The following SAMD5 variants were observed in gnomAD, a reference collection of about 807,000 sequenced individuals.
SAMD5 encodes the protein sterile alpha motif domain-containing protein 5.
SAMD5 carries 13 observed loss-of-function variants against 11.3 expected under a neutral mutation model. The ratio of observed to expected loss-of-function variants is 1.15; its 90% CI spans 0.75 to 1.83. The LOEUF is 1.83. SAMD5 is among the 40% of genes most tolerant of loss of function. The probability of loss-of-function intolerance (pLI) is 0.00; values close to 1 mark genes in which losing one functional copy is unlikely to be tolerated. For synonymous variants in SAMD5, 129 were observed against 111.3 expected, an observed-to-expected ratio of 1.16 and a Z score of -1.00; for missense variants, 255 against 239.1, an observed-to-expected ratio of 1.07 and a Z score of -0.44.
intron 1 of SAMD5, among the ~76,000 whole-genome samples, chr6:147,717,434 C>T (rs982706595): frequency 6.6e-6 from 1 of 152,102 alleles, no homozygotes; most frequent in Non-Finnish European, 1.5e-5. Context: ...GGCTATTAGG[C>T]AGTGCAGTGA....
intron 1 of SAMD5, among the ~76,000 whole-genome samples, chr6:147,709,509 GT>G (rs573996432): frequency 7.8e-4 from 119 of 152,276 alleles, no homozygotes; most frequent in African/African-American, 2.6e-3. Context: ...CTTTGGTTTG[GT>G]TTTAAGATAA....
chr6:147,822,632 T>G, the SAMD5 span, among the ~76,000 whole-genome samples: 1 of 152,130 alleles, frequency 6.6e-6, no homozygotes, highest in African/African-American at 2.4e-5. Flanking sequence ...TGTCAACCCT[T>G]GGTTATAAGA....
the SAMD5 span, among the ~76,000 whole-genome samples, chr6:147,903,197 A>C: frequency 6.6e-6 from 1 of 152,212 alleles, no homozygotes; most frequent in African/African-American, 2.4e-5. Context: ...TTAATTAATC[A>C]CATTAATATA....
the SAMD5 span, among the ~76,000 whole-genome samples, chr6:147,939,505 C>T: frequency 1.3e-5 from 2 of 152,130 alleles, no homozygotes; most frequent in African/African-American, 4.8e-5. Context: ...TTCCTATCAC[C>T]CAAGAAATTC....
At chr6:147,546,514 G>A (rs552895946) in intron 1 of SAMD5, among the ~76,000 whole-genome samples, 2 of 101,186 alleles carry the variant, frequency 2.0e-5, no homozygotes, top group Non-Finnish European at 3.8e-5. Context: ...TGGGCAACAA[G>A]AGCGAAACTC....
At chr6:147,819,306 A>G in the SAMD5 span, among the ~76,000 whole-genome samples, 1 of 152,154 alleles carries the variant, frequency 6.6e-6, no homozygotes, top group African/African-American at 2.4e-5. Context: ...GAGGGGAACA[A>G]CACACACTGG....
chr6:147,836,270 T>C, the SAMD5 span, among the ~76,000 whole-genome samples: 2 of 152,190 alleles, frequency 1.3e-5, no homozygotes, highest in Admixed American at 6.5e-5. Context: ...CCAAGTTCTA[T>C]TTATCTAGTG....
the SAMD5 span, among the ~76,000 whole-genome samples, chr6:147,922,692 G>A: frequency 6.6e-6 from 1 of 152,040 alleles, no homozygotes; most frequent in Non-Finnish European, 1.5e-5. Flanking sequence ...ACTCGTGCTG[G>A]GATCTATTTT....
chr6:147,767,720 G>C, the SAMD5 span, among the ~76,000 whole-genome samples: 1 of 152,068 alleles, frequency 6.6e-6, no homozygotes, highest in African/African-American at 2.4e-5. Context: ...CCTTGATCTT[G>C]GACAGTGAGA....
intron 1 of SAMD5, among the ~76,000 whole-genome samples, chr6:147,663,565 A>T (rs866275556): frequency 1.3e-5 from 2 of 152,020 alleles, no homozygotes; most frequent in Middle Eastern, 3.4e-3. Context: ...TGGGTGGATC[A>T]CCTGAAGTCA....
At chr6:147,822,297 G>T in the SAMD5 span, among the ~76,000 whole-genome samples, 1 of 151,986 alleles carries the variant, frequency 6.6e-6, no homozygotes, top group South Asian at 2.1e-4. Flanking sequence ...TTTGACAATT[G>T]TTATTCACAA....
At position 147,532,516 on chromosome 6, in the gene SAMD5, C is replaced by T. The variant is rs115730507; in HGVS notation, c.459+23129C>T. Among the ~76,000 whole-genome samples, 371 of 152,286 alleles carry T rather than the reference C, an allele frequency of 2.4e-3. 4 individuals carry two copies. Among genetic ancestry groups the T allele is most frequent in the African/African-American group, 8.5e-3 (355 of 41,562 alleles). On this transcript the variant is annotated intron_variant, in intron 1 of 1. Transcript: ENST00000367474. ...AGTAGTATTCCACATCCCACATTAT[C>T]TTTATTCACTCATTGGTTATGAGCA...
the SAMD5 span, among the ~76,000 whole-genome samples, chr6:147,744,899 C>CAATA: frequency 0.011 from 1,459 of 137,372 alleles, 9 homozygotes; most frequent in Non-Finnish European, 0.016. Context: ...CTCTGTCTCA[C>CAATA]AATAAATAAA....
the SAMD5 span, among the ~76,000 whole-genome samples, chr6:147,806,302 A>G: frequency 1.2e-5 from 1 of 81,260 alleles, no homozygotes; most frequent in Admixed American, 1.3e-4. Context: ...GAGTGTGCGC[A>G]TGCGCGCGCG....
chr6:147,929,781 GA>G, the SAMD5 span, among the ~76,000 whole-genome samples: 345 of 152,240 alleles, frequency 2.3e-3, no homozygotes, highest in African/African-American at 8.0e-3. Context: ...CATTGGGGGG[GA>G]AAGTACAGCT....
chr6:147,604,080 A>C (rs1312278575), intron 1 of SAMD5, among the ~76,000 whole-genome samples: 1 of 152,246 alleles, frequency 6.6e-6, no homozygotes, highest in African/African-American at 2.4e-5. Context: ...ATATAGGCTT[A>C]ATATTATGAT....
At chr6:147,790,584 T>G in the SAMD5 span, among the ~76,000 whole-genome samples, 4 of 152,216 alleles carry the variant, frequency 2.6e-5, no homozygotes, top group Non-Finnish European at 4.4e-5. Flanking sequence ...AAATACTTAG[T>G]AAAGCATCAC....
At chr6:147,744,305 G>A in the SAMD5 span, among the ~76,000 whole-genome samples, 1 of 152,142 alleles carries the variant, frequency 6.6e-6, no homozygotes, top group South Asian at 2.1e-4. Flanking sequence ...GTGAAGAAAT[G>A]AGAATAGTTC....
the SAMD5 span, among the ~76,000 whole-genome samples, chr6:147,916,087 A>AT: frequency 1.3e-5 from 2 of 151,888 alleles, no homozygotes; most frequent in East Asian, 1.9e-4. Context: ...TGAACTCATC[A>AT]TTTTTTATGG....
Sources: gnomAD v4.1 joint callset for allele counts (sites outside exome capture counted in the v4.1 genomes callset) on GRCh38, gnomAD v4.1.1 for gene constraint, MANE v1.5 for transcripts, NCBI Gene and HGNC (gene_info 2026-07-23, HGNC 2026-07-21) for gene names.